The following MACROD2 variants were observed in gnomAD, a reference collection of about 807,000 sequenced individuals.
MACROD2 encodes mono-ADP ribosylhydrolase 2.
Under a neutral mutation model 70.4 loss-of-function variants are expected in MACROD2, and 36 were observed. That is an observed-to-expected ratio of 0.51 (90% CI 0.39 to 0.68). The LOEUF (loss-of-function observed/expected upper bound fraction) is 0.68. MACROD2 is among the 30% of genes least tolerant of loss of function. The probability of loss-of-function intolerance (pLI) is 0.00; values close to 1 mark genes in which losing one functional copy is unlikely to be tolerated. For synonymous variants in MACROD2, 172 were observed against 178.8 expected, an observed-to-expected ratio of 0.96 and a Z score of 0.30; for missense variants, 496 against 538.4, an observed-to-expected ratio of 0.92 and a Z score of 0.78.
intron 15 of MACROD2, among the ~76,000 whole-genome samples, chr20:16,034,087 T>C (rs1322184160): frequency 1.3e-5 from 2 of 152,048 alleles, no homozygotes; most frequent in African/African-American, 2.4e-5. Context: ...ACAAAATACC[T>C]GAATATGAAA....
At chr20:15,387,658 C>T (rs952934652) in intron 6 of MACROD2, among the ~76,000 whole-genome samples, 2 of 151,954 alleles carry the variant, frequency 1.3e-5, no homozygotes, top group African/African-American at 4.8e-5. Flanking sequence ...AGCCAGACAC[C>T]CCACACTCAG....
At chr20:14,927,582 G>A (rs1419630581) in intron 5 of MACROD2, among the ~76,000 whole-genome samples, 11 of 152,154 alleles carry the variant, frequency 7.2e-5, no homozygotes, top group Non-Finnish European at 1.5e-5. Context: ...CACACATTTG[G>A]GTTGGCTTGG....
chr20:14,279,962 A>G (rs1160326232), intron 3 of MACROD2, among the ~76,000 whole-genome samples: 2 of 152,214 alleles, frequency 1.3e-5, no homozygotes, highest in South Asian at 2.1e-4. Context: ...GGAAATTTCT[A>G]TCCTACCCTA....
intron 9 of MACROD2, among the ~76,000 whole-genome samples, chr20:15,876,634 TG>T (rs1490391291): frequency 3.3e-5 from 5 of 152,178 alleles, no homozygotes; most frequent in Non-Finnish European, 7.3e-5. Flanking sequence ...TACCCAGTAA[TG>T]GGATGGCTGG....
At chr20:15,598,639 T>G (rs2048777002) in intron 8 of MACROD2, among the ~76,000 whole-genome samples, 1 of 152,116 alleles carries the variant, frequency 6.6e-6, no homozygotes, top group African/African-American at 2.4e-5. Context: ...GAGAATAGGG[T>G]TGGGTCAGGG....
intron 6 of MACROD2, among the ~76,000 whole-genome samples, chr20:15,428,822 A>G (rs1000590131): frequency 6.6e-6 from 1 of 152,126 alleles, no homozygotes; most frequent in Non-Finnish European, 1.5e-5. Flanking sequence ...ATCAGCCACA[A>G]CTGAAAAACT....
At chr20:14,184,972 T>TTG (rs1402891098) in intron 3 of MACROD2, among the ~76,000 whole-genome samples, 1 of 152,078 alleles carries the variant, frequency 6.6e-6, no homozygotes, top group Non-Finnish European at 1.5e-5. Context: ...ATTTGTTTAC[T>TTG]TGTTGACTAT....
At chr20:15,854,280 C>A (rs999340345) in intron 8 of MACROD2, among the ~76,000 whole-genome samples, 1 of 152,026 alleles carries the variant, frequency 6.6e-6, no homozygotes, top group Non-Finnish European at 1.5e-5. Flanking sequence ...CTCTTGCTGG[C>A]GTGGAAGAAA....
chr20:15,368,638 T>C lies in MACROD2; in HGVS notation c.541-62767T>C, dbSNP rs569952087. ...CACCATGCCCTGACTAGTTTTTGTA[T>C]TTTTAGTAGAGACAGGGTTTCCCCA... is the stretch of plus-strand genomic sequence containing the variant. On this transcript the variant is annotated intron_variant, in intron 6 of 17. Transcript: ENST00000684519. Among the ~76,000 whole-genome samples the C allele has an allele frequency of 3.3e-5, 5 of 152,184 alleles. No homozygotes were observed. The East Asian group carries it at 5.8e-4, about 18-fold the overall frequency.
chr20:15,759,711 A>G (rs2051406697), intron 8 of MACROD2, among the ~76,000 whole-genome samples: 1 of 152,192 alleles, frequency 6.6e-6, no homozygotes, highest in Non-Finnish European at 1.5e-5. Context: ...TGCGACGTAG[A>G]CTATTTATGG....
chr20:15,510,035 A>G (rs1391664573), intron 8 of MACROD2, among the ~76,000 whole-genome samples: 1 of 152,220 alleles, frequency 6.6e-6, no homozygotes, highest in Non-Finnish European at 1.5e-5. Flanking sequence ...ATATGGGTGT[A>G]TCTTTAGAGT....
intron 6 of MACROD2, among the ~76,000 whole-genome samples, chr20:15,236,734 T>C (rs2077016753): frequency 6.6e-6 from 1 of 152,222 alleles, no homozygotes; most frequent in Admixed American, 6.5e-5. Context: ...CGTAACTCCA[T>C]GCATTCTGTG....
At chr20:15,485,595 G>A (rs542369258) in intron 7 of MACROD2, among the ~76,000 whole-genome samples, 79 of 152,232 alleles carry the variant, frequency 5.2e-4, no homozygotes, top group African/African-American at 1.8e-3. Flanking sequence ...TCATTATTAA[G>A]ACGAACAATG....
chr20:15,322,375 G>C (rs972834219), intron 6 of MACROD2, among the ~76,000 whole-genome samples: 5 of 143,494 alleles, frequency 3.5e-5, no homozygotes, highest in Non-Finnish European at 7.9e-5. Flanking sequence ...AATGGACTGA[G>C]TAGTGATTCA....
At chr20:15,061,312 C>T (rs138419647) in intron 5 of MACROD2, among the ~76,000 whole-genome samples, 1 of 152,246 alleles carries the variant, frequency 6.6e-6, no homozygotes, top group Non-Finnish European at 1.5e-5. Flanking sequence ...GAACCTTTCA[C>T]CCACATGAGC....
chr20:15,627,634 A>G (rs1157115579), intron 8 of MACROD2, among the ~76,000 whole-genome samples: 1 of 152,062 alleles, frequency 6.6e-6, no homozygotes, highest in Non-Finnish European at 1.5e-5. Context: ...AGCAAGAGCA[A>G]GGTTGGTGGG....
intron 5 of MACROD2, among the ~76,000 whole-genome samples, chr20:15,223,787 T>C (rs2076881422): frequency 6.6e-6 from 1 of 152,200 alleles, no homozygotes; most frequent in African/African-American, 2.4e-5. Context: ...CAAAATTTTT[T>C]TACTGCTCTT....
intron 8 of MACROD2, among the ~76,000 whole-genome samples, chr20:15,579,440 C>T (rs2048493746): frequency 6.6e-6 from 1 of 152,122 alleles, no homozygotes; most frequent in Non-Finnish European, 1.5e-5. Flanking sequence ...ATTTAATTTA[C>T]TTGTTCTCCA....
At chr20:15,174,324 A>C (rs2076443877) in intron 5 of MACROD2, among the ~76,000 whole-genome samples, 1 of 152,338 alleles carries the variant, frequency 6.6e-6, no homozygotes, top group South Asian at 2.1e-4. Flanking sequence ...TTAAGATAAT[A>C]ATCCAGCACA....
Sources: allele counts gnomAD v4.1 joint callset (sites outside exome capture counted in the v4.1 genomes callset), GRCh38; gene constraint gnomAD v4.1.1; transcripts MANE v1.5; gene names NCBI Gene and HGNC (gene_info 2026-07-23, HGNC 2026-07-21).